Variants in SEMA3E observed in about 807,000 individuals in gnomAD.
The protein encoded by SEMA3E is semaphorin 3E.
A neutral mutation model predicts 93.6 loss-of-function variants in SEMA3E; 49 were observed. That is an observed-to-expected ratio of 0.52 (90% CI 0.42 to 0.66). SEMA3E has a LOEUF of 0.66. Among genes scored for constraint, SEMA3E ranks in the 30% least tolerant of loss-of-function variants. SEMA3E has a pLI of 0.00. For missense variants in SEMA3E, 906 were observed against 964.8 expected (o/e 0.94, Z 0.81); for synonymous variants, 363 against 330.7 (o/e 1.10, Z -1.06).
chr7:83,596,582 T>TA (rs999233644), intron 1 of SEMA3E, among the ~76,000 whole-genome samples: 1 of 152,104 alleles, frequency 6.6e-6, no homozygotes, highest in South Asian at 2.1e-4. Context: ...GAAAAATTCA[T>TA]AAAAATAATC....
chr7:83,538,611 TA>T (rs1791456532), intron 1 of SEMA3E, among the ~76,000 whole-genome samples: 1 of 152,188 alleles, frequency 6.6e-6, no homozygotes, highest in African/African-American at 2.4e-5. Flanking sequence ...TACATGATTA[TA>T]AAAATGATTA....
At chr7:83,411,785 T>C (rs529559102) in intron 5 of SEMA3E, among the ~76,000 whole-genome samples, 2 of 152,278 alleles carry the variant, frequency 1.3e-5, no homozygotes, top group Admixed American at 6.5e-5. Flanking sequence ...CATATTTTCA[T>C]GGATTAAAAT....
intron 1 of SEMA3E, among the ~76,000 whole-genome samples, chr7:83,551,679 C>T (rs1266205875): frequency 6.6e-6 from 1 of 152,104 alleles, no homozygotes; most frequent in Non-Finnish European, 1.5e-5. Flanking sequence ...AATAACAGAA[C>T]TCAGAGCATC....
intron 5 of SEMA3E, among the ~76,000 whole-genome samples, chr7:83,416,829 G>A (rs1382850191): frequency 4.6e-5 from 7 of 151,876 alleles, no homozygotes; most frequent in Admixed American, 4.6e-4. Flanking sequence ...AAATTTTAAT[G>A]TATATTCTGT....
chr7:83,546,377 G>A (rs1201708738), intron 1 of SEMA3E, among the ~76,000 whole-genome samples: 1 of 148,080 alleles, frequency 6.8e-6, no homozygotes, highest in African/African-American at 2.5e-5. Context: ...GAGAAAGGAG[G>A]GGAATATAGT....
chr7:83,502,206 A>G (rs959361232), intron 1 of SEMA3E, among the ~76,000 whole-genome samples: 2 of 151,912 alleles, frequency 1.3e-5, no homozygotes, highest in Non-Finnish European at 2.9e-5. Flanking sequence ...GGACCACTGA[A>G]TGTTCTTCCT....
chr7:83,530,807 G>A (rs1180802466), intron 1 of SEMA3E, among the ~76,000 whole-genome samples: 4 of 152,080 alleles, frequency 2.6e-5, no homozygotes, highest in Admixed American at 2.6e-4. Flanking sequence ...GAACCCGGGA[G>A]GCGGAGGCTG....
chr7:83,537,211 A>G (rs991631805), intron 1 of SEMA3E, among the ~76,000 whole-genome samples: 2 of 152,198 alleles, frequency 1.3e-5, no homozygotes, highest in Non-Finnish European at 2.9e-5. Context: ...TATAAGAAAT[A>G]CATATCTGTT....
At chr7:83,484,675 T>C (rs1790217732) in intron 2 of SEMA3E, among the ~76,000 whole-genome samples, 1 of 152,192 alleles carries the variant, frequency 6.6e-6, no homozygotes, top group African/African-American at 2.4e-5. Flanking sequence ...CTCTACTGTC[T>C]TACCTCCACT....
At chr7:83,436,841 G>A (rs909599324) in intron 4 of SEMA3E, among the ~76,000 whole-genome samples, 5 of 152,110 alleles carry the variant, frequency 3.3e-5, no homozygotes, top group East Asian at 3.9e-4. Context: ...GTATTAGTCC[G>A]TTTTTATGCT....
At chr7:83,397,220 T>C (rs1052974258) in intron 11 of SEMA3E, among the ~76,000 whole-genome samples, 1 of 152,100 alleles carries the variant, frequency 6.6e-6, no homozygotes, top group African/African-American at 2.4e-5. Context: ...TAATTTTATA[T>C]GCCTGGCCAA....
intron 1 of SEMA3E, among the ~76,000 whole-genome samples, chr7:83,497,062 G>A (rs1246744990): frequency 1.3e-5 from 2 of 151,998 alleles, no homozygotes; most frequent in East Asian, 1.9e-4. Flanking sequence ...TTCTAAAGAG[G>A]GAACTAATTA....
intron 4 of SEMA3E, among the ~76,000 whole-genome samples, chr7:83,449,933 T>TC (rs1292042248): frequency 6.6e-6 from 1 of 151,982 alleles, no homozygotes; most frequent in African/African-American, 2.4e-5. Flanking sequence ...CCTCATAAAA[T>TC]CCCCCAACAA....
At chr7:83,531,349 T>A (rs2115726925) in intron 1 of SEMA3E, among the ~76,000 whole-genome samples, 1 of 135,518 alleles carries the variant, frequency 7.4e-6, no homozygotes, top group African/African-American at 2.6e-5. Context: ...TTCTTTTTTT[T>A]TTTTTTTTTT....
At chr7:83,512,644 CAA>C (rs1455752250) in intron 1 of SEMA3E, among the ~76,000 whole-genome samples, 7 of 152,062 alleles carry the variant, frequency 4.6e-5, no homozygotes, top group Admixed American at 6.5e-5. Context: ...TAAAATACGT[CAA>C]GTTTCTTTAC....
intron 1 of SEMA3E, among the ~76,000 whole-genome samples, chr7:83,532,118 T>TA (rs1486144250): frequency 6.6e-6 from 1 of 152,138 alleles, no homozygotes; most frequent in Admixed American, 6.5e-5. Context: ...AAGACAACAT[T>TA]AAAAAAATTA....
intron 1 of SEMA3E, among the ~76,000 whole-genome samples, chr7:83,594,392 T>C (rs961117537): frequency 1.2e-4 from 18 of 152,194 alleles, no homozygotes; most frequent in African/African-American, 4.3e-4. Flanking sequence ...GCCAAATATA[T>C]GTAAACAAAC....
chr7:83,368,639 A>G (rs1794709803), intron 16 of SEMA3E, among the ~76,000 whole-genome samples: 1 of 152,224 alleles, frequency 6.6e-6, no homozygotes. Context: ...ATTAAAAAAT[A>G]AACAAGTAAA....
chr7:83,520,196 A>G (rs1791015387), intron 1 of SEMA3E, among the ~76,000 whole-genome samples: 1 of 152,094 alleles, frequency 6.6e-6, no homozygotes, highest in Non-Finnish European at 1.5e-5. Context: ...AATATTTATT[A>G]CTCAATGAAT....
Sources: allele counts gnomAD v4.1 joint callset (sites outside exome capture counted in the v4.1 genomes callset), GRCh38; gene constraint gnomAD v4.1.1; transcripts MANE v1.5; gene names NCBI Gene and HGNC (gene_info 2026-07-23, HGNC 2026-07-21).